The following SCIN variants were observed in gnomAD, a reference collection of about 807,000 sequenced individuals.
SCIN encodes the protein scinderin, also known as adseverin.
SCIN carries 91 observed loss-of-function variants against 91.8 expected under a neutral mutation model. The observed-to-expected ratio is 0.99, with a 90% CI of 0.84 to 1.18. The LOEUF is 1.18. Among genes scored for constraint, SCIN ranks in the 50% most tolerant of loss-of-function variants. SCIN has a pLI of 0.00. For synonymous variants in SCIN, 367 were observed against 312.6 expected, an observed-to-expected ratio of 1.17 and a Z score of -1.84; for missense variants, 1,087 against 863.9, an observed-to-expected ratio of 1.26 and a Z score of -3.24.
intron 4 of SCIN, among the ~76,000 whole-genome samples, chr7:12,621,112 A>G (rs1334605531): frequency 6.6e-6 from 1 of 152,188 alleles, no homozygotes; most frequent in Non-Finnish European, 1.5e-5. Context: ...GGCCTAGTTG[A>G]TAAAGTGAAC....
chr7:12,629,185 C>G lies in SCIN; in HGVS notation c.1282C>G (p.Leu428Val). ...CTATGGTGGTGACTGCTACATCATA[C>G]TCTACACCTATCCCAGAGGACAGAT... is the stretch of plus-strand genomic sequence containing the variant. Reference protein sequence around the residue: ...EFYGGDCYIILYTYPRGQIIY... With the variant: ...EFYGGDCYIIVYTYPRGQIIY... The change falls in exon 9 of 16, where the codon CTC becomes GTC. Residue 428 changes from leucine to valine, a missense_variant. Coordinates refer to ENST00000297029, the MANE Select transcript of SCIN (RefSeq NM_001112706.3). The G allele has an allele frequency of 6.2e-7, 1 of 1,612,904 alleles. No homozygotes were observed. Among genetic ancestry groups the G allele is most frequent in the Non-Finnish European group, 8.5e-7 (1 of 1,179,420 alleles).
At chr7:12,583,982 G>T (rs1015749690) in intron 3 of SCIN, among the ~76,000 whole-genome samples, 1 of 152,048 alleles carries the variant, frequency 6.6e-6, no homozygotes, top group Non-Finnish European at 1.5e-5. Flanking sequence ...ATTATATTCT[G>T]GAATTTTCCT....
intron 10 of SCIN, among the ~76,000 whole-genome samples, chr7:12,636,609 A>C (rs182079768): frequency 2.2e-4 from 33 of 152,202 alleles, no homozygotes; most frequent in Non-Finnish European, 4.4e-4. Flanking sequence ...AACTAGGGAG[A>C]TTATCTGGGA....
intron 14 of SCIN, among the ~76,000 whole-genome samples, chr7:12,650,041 T>A (rs754739529): frequency 1.3e-5 from 2 of 152,230 alleles, no homozygotes; most frequent in Non-Finnish European, 2.9e-5. Context: ...AAATTAGTGG[T>A]GATTTGACGT....
chr7:12,650,166 C>T (rs1039354051), intron 14 of SCIN, among the ~76,000 whole-genome samples: 11 of 152,070 alleles, frequency 7.2e-5, no homozygotes, highest in East Asian at 1.9e-4. Context: ...TAGGCCTAGT[C>T]GTAGAGTCAA....
intron 4 of SCIN, chr7:12,610,975 C>T (rs1448410277): frequency 2.6e-5 from 4 of 152,248 alleles, no homozygotes; most frequent in Non-Finnish European, 4.4e-5. Flanking sequence ...GTCAGGTCAT[C>T]ACCCCTTTTA....
intron 4 of SCIN, among the ~76,000 whole-genome samples, chr7:12,619,655 T>C (rs568640662): frequency 3.9e-5 from 6 of 152,230 alleles, no homozygotes; most frequent in African/African-American, 1.2e-4. Flanking sequence ...AGAATGGGCA[T>C]GGCTTCCATA....
chr7:12,614,224 G>A (rs147690423), intron 4 of SCIN, among the ~76,000 whole-genome samples: 49 of 152,280 alleles, frequency 3.2e-4, no homozygotes, highest in African/African-American at 1.2e-3. Flanking sequence ...CTCACTGGTA[G>A]GCTGAACTTC....
At position 12,625,761 on chromosome 7, in the gene SCIN, G is replaced by C. The variant is rs1783507311; in HGVS notation, c.893-1G>C. The C allele has an allele frequency of 1.3e-6, 2 of 1,597,336 alleles. No homozygotes were observed. The highest frequency in any genetic ancestry group is 2.2e-5 in the South Asian group (2 of 89,112). On this transcript the variant is annotated splice_acceptor_variant, in intron 6 of 15. Transcript: ENST00000297029. LOFTEE classifies it high-confidence loss of function. ...TCTCTTTAATTTACCTTGTATTTTA[G>C]GTAAAGATGCTAATCCCCAAGAGAG...
chr7:12,604,965 C>T (rs748322962), intron 4 of SCIN, among the ~76,000 whole-genome samples: 3 of 152,058 alleles, frequency 2.0e-5, no homozygotes, highest in African/African-American at 4.8e-5. Flanking sequence ...TGAAATTGAC[C>T]GTAAGAATGT....
At chr7:12,577,927 C>G (rs10248067) in intron 1 of SCIN, 137 bp from the exon 2 acceptor site, 138,542 of 721,996 alleles carry the variant, frequency 0.19, 14,110 homozygotes, top group East Asian at 0.32. Flanking sequence ...AGTATTTTAG[C>G]TAAAAGATCT....
At chr7:12,609,531 A>C (rs765304430) in intron 4 of SCIN, among the ~76,000 whole-genome samples, 23 of 152,244 alleles carry the variant, frequency 1.5e-4, no homozygotes, top group Middle Eastern at 6.8e-3. Flanking sequence ...AACAAACAAA[A>C]AAAACCCCAA....
At chr7:12,626,518 C>G in intron 7 of SCIN, 66 bp from the exon 8 acceptor site, 6 of 1,219,068 alleles carry the variant, frequency 4.9e-6, no homozygotes, top group Non-Finnish European at 6.9e-6. Flanking sequence ...GTCTCCACTG[C>G]CAGATTCATA....
At chr7:12,625,694 G>C (rs1375200311) in intron 6 of SCIN, 68 bp from the exon 7 acceptor site, 5 of 1,075,734 alleles carry the variant, frequency 4.6e-6, no homozygotes, top group Non-Finnish European at 6.9e-6. Context: ...TGGTACACAA[G>C]TATTTCTTAA....
Position 12,640,503 on chromosome 7 carries a change from A to C in SCIN, c.1567A>C (p.Thr523Pro), listed in dbSNP as rs1242568869. ...AGTCCGGAGAAACCTGGCATCTATC[A>C]CCAGAATTGTGGAGGTAATGTCATG... ...FQVRRNLASI[T>P]RIVEVDVDAN... Residue 523 changes from threonine to proline, a missense_variant, in exon 11 of 16, where the codon ACC becomes CCC. Transcript: ENST00000297029. 1.2e-6 allele frequency: 2 copies of C among 1,610,772 alleles called. No individual in the cohort carries two copies. Among genetic ancestry groups the C allele is most frequent in the Admixed American group, 1.7e-5 (1 of 59,588 alleles).
chr7:12,616,037 G>C (rs947981463), intron 4 of SCIN, among the ~76,000 whole-genome samples: 1 of 151,978 alleles, frequency 6.6e-6, no homozygotes, highest in Non-Finnish European at 1.5e-5. Context: ...AAATACTCCT[G>C]GAGGTTTAGC....
intron 9 of SCIN, among the ~76,000 whole-genome samples, chr7:12,635,053 C>A (rs1389504768): frequency 1.3e-5 from 2 of 151,656 alleles, no homozygotes; most frequent in Non-Finnish European, 2.9e-5. Context: ...ACCTGTAATC[C>A]CAGCTACTCA....
At chr7:12,623,739 G>T (rs1327289154) in intron 5 of SCIN, among the ~76,000 whole-genome samples, 1 of 152,038 alleles carries the variant, frequency 6.6e-6, no homozygotes, top group East Asian at 1.9e-4. Flanking sequence ...GGGATTTTTG[G>T]CTCCGAAACT....
At chr7:12,585,979 G>C (rs1330785077) in intron 3 of SCIN, among the ~76,000 whole-genome samples, 1 of 152,132 alleles carries the variant, frequency 6.6e-6, no homozygotes, top group Non-Finnish European at 1.5e-5. Context: ...CCACTGTCCA[G>C]TGTCCCAGCC....
Sources: gnomAD v4.1 joint callset for allele counts (sites outside exome capture counted in the v4.1 genomes callset) on GRCh38, gnomAD v4.1.1 for gene constraint, MANE v1.5 for transcripts, NCBI Gene and HGNC (gene_info 2026-07-23, HGNC 2026-07-21) for gene names.